The following DSE variants were observed in gnomAD, a reference collection of about 807,000 sequenced individuals.
DSE encodes the protein dermatan-sulfate epimerase.
DSE carries 36 observed loss-of-function variants against 84.4 expected under a neutral mutation model. The ratio of observed to expected loss-of-function variants is 0.43; its 90% CI spans 0.33 to 0.56. The LOEUF is 0.56. Among genes scored for constraint, DSE ranks in the 20% least tolerant of loss-of-function variants. The pLI is 0.06. For synonymous variants in DSE, 410 were observed against 430.1 expected (o/e 0.95, Z 0.58); for missense variants, 862 against 1,169.6 (o/e 0.74, Z 3.84).
intron 2 of DSE, among the ~76,000 whole-genome samples, chr6:116,267,970 C>T (rs1473594522): frequency 2.0e-5 from 3 of 152,050 alleles, no homozygotes; most frequent in African/African-American, 7.3e-5. Flanking sequence ...CAGTCACCTC[C>T]CACCAGGCCC....
intron 2 of DSE, chr6:116,279,268 T>C (rs1207552908): frequency 6.2e-7 from 1 of 1,603,790 alleles, no homozygotes; most frequent in Non-Finnish European, 8.5e-7. Flanking sequence ...CTCCATCTGC[T>C]CCTCCATTAC....
At chr6:116,370,447 GA>G (rs1312165178), upstream of DSE, 5 of 987,440 alleles carry the variant, frequency 5.1e-6, no homozygotes, top group East Asian at 4.5e-4. Flanking sequence ...CGAGAGAAAA[GA>G]GGCAGTAACT....
chr6:116,435,414 G>A (rs1784082725), intron 5 of DSE, among the ~76,000 whole-genome samples, 173 bp from the exon 6 acceptor site: 1 of 152,090 alleles, frequency 6.6e-6, no homozygotes, highest in Non-Finnish European at 1.5e-5. Flanking sequence ...GTCACCAAGG[G>A]TTTCCCTTTG....
At chr6:116,332,367 A>G (rs954527365) in intron 2 of DSE, among the ~76,000 whole-genome samples, 1 of 140,258 alleles carries the variant, frequency 7.1e-6, no homozygotes, top group African/African-American at 2.7e-5. Context: ...TCAAAATCCC[A>G]GTTGGTTTGT....
intron 2 of DSE, among the ~76,000 whole-genome samples, chr6:116,324,483 G>C (rs1325873379): frequency 6.6e-6 from 1 of 152,154 alleles, no homozygotes. Flanking sequence ...TGTTTGAATT[G>C]ACTCCATGAG....
At chr6:116,281,686 C>G (rs1334075656) in intron 2 of DSE, among the ~76,000 whole-genome samples, 4 of 152,244 alleles carry the variant, frequency 2.6e-5, no homozygotes, top group South Asian at 4.1e-4. Flanking sequence ...TCGTTTCCCT[C>G]TGTTTATCGA....
chr6:116,291,558 A>G (rs1226318623), intron 2 of DSE, among the ~76,000 whole-genome samples: 1 of 151,004 alleles, frequency 6.6e-6, no homozygotes, highest in Non-Finnish European at 1.5e-5. Context: ...TTTATTATAC[A>G]TTATTATATG....
chr6:116,380,966 C>A (rs1185817174), intron 1 of DSE, among the ~76,000 whole-genome samples: 1 of 152,166 alleles, frequency 6.6e-6, no homozygotes, highest in African/African-American at 2.4e-5. Context: ...CCAGAAGTGT[C>A]AGCTCTTCTG....
At chr6:116,352,478 G>A (rs1379538504) in intron 2 of DSE, among the ~76,000 whole-genome samples, 1 of 152,162 alleles carries the variant, frequency 6.6e-6, no homozygotes, top group Non-Finnish European at 1.5e-5. Context: ...CTAATTTCTA[G>A]ACTCTGAATG....
intron 2 of DSE, among the ~76,000 whole-genome samples, chr6:116,353,440 TGC>T (rs1234777689): frequency 6.6e-6 from 1 of 152,186 alleles, no homozygotes; most frequent in African/African-American, 2.4e-5. Flanking sequence ...TCTTCATGAG[TGC>T]CTTCTTAATT....
At chr6:116,290,258 T>C (rs1774196008) in intron 2 of DSE, among the ~76,000 whole-genome samples, 2 of 152,112 alleles carry the variant, frequency 1.3e-5, no homozygotes, top group Non-Finnish European at 2.9e-5. Context: ...ATAACTTCGT[T>C]TTCTTGGATC....
chr6:116,266,861 T>G (rs1772649304), intron 2 of DSE, among the ~76,000 whole-genome samples: 1 of 152,262 alleles, frequency 6.6e-6, no homozygotes, highest in East Asian at 1.9e-4. Context: ...GCAAATTTTT[T>G]GTTTTCATAT....
chr6:116,403,824 A>G (rs1781752152), intron 2 of DSE, among the ~76,000 whole-genome samples: 1 of 152,218 alleles, frequency 6.6e-6, no homozygotes. Context: ...CAGCCTTCTC[A>G]TCCTTGCAGT....
intron 1 of DSE, among the ~76,000 whole-genome samples, chr6:116,387,514 A>G (rs1026909061): frequency 6.6e-6 from 1 of 152,206 alleles, no homozygotes; most frequent in Non-Finnish European, 1.5e-5. Context: ...ACGTGCAGCC[A>G]TGCAGCCATA....
intron 2 of DSE, among the ~76,000 whole-genome samples, chr6:116,354,385 T>C (rs1252537470): frequency 6.6e-6 from 1 of 152,144 alleles, no homozygotes; most frequent in South Asian, 2.1e-4. Flanking sequence ...TTTTTTCTGG[T>C]ATAAGAAACA....
chr6:116,261,276 G>A lies in DSE; in HGVS notation c.-54+2309G>A, dbSNP rs1582904510. Among the ~76,000 whole-genome samples the A allele has an allele frequency of 2.6e-5, 4 of 152,080 alleles. 1 individual carries two copies. Among genetic ancestry groups the A allele is most frequent in the Admixed American group, 2.6e-4 (4 of 15,288 alleles). ...AGAGTCTCACTCTGTCACCTAGGCT[G>A]GAGTGCAGTGGTGCGATATCAGTTC... On this transcript the variant is annotated intron_variant, in intron 2 of 3. Transcript: ENST00000430252.
chr6:116,322,244 G>A (rs1027197512), intron 2 of DSE, among the ~76,000 whole-genome samples: 1 of 150,134 alleles, frequency 6.7e-6, no homozygotes, highest in South Asian at 2.1e-4. Context: ...CGATTAGGTC[G>A]GGGTCGATCT....
intron 2 of DSE, among the ~76,000 whole-genome samples, chr6:116,315,071 G>A (rs1443656263): frequency 6.6e-6 from 1 of 152,072 alleles, no homozygotes; most frequent in African/African-American, 2.4e-5. Context: ...GGAAGTCCTG[G>A]GCCTGATTCA....
At chr6:116,431,304 GAAATT>G (rs1401552178) in intron 4 of DSE, 111 bp downstream of exon 4, 20 of 1,384,276 alleles carry the variant, frequency 1.4e-5, no homozygotes, top group Middle Eastern at 4.9e-4. Context: ...TTGTCATATT[GAAATT>G]AAATAGATTT....
Sources: allele counts gnomAD v4.1 joint callset (sites outside exome capture counted in the v4.1 genomes callset), GRCh38; gene constraint gnomAD v4.1.1; transcripts MANE v1.5; gene names NCBI Gene and HGNC (gene_info 2026-07-23, HGNC 2026-07-21).